Variants in PLEKHG6 observed in about 807,000 individuals in gnomAD.
PLEKHG6 encodes pleckstrin homology domain-containing family G member 6.
In PLEKHG6, 91 loss-of-function variants were observed where a neutral mutation model predicts 97.5. The observed-to-expected ratio is 0.93, with a 90% CI of 0.79 to 1.11. PLEKHG6 has a LOEUF of 1.11. PLEKHG6 is among the 50% of genes most tolerant of loss of function. The pLI is 0.00. For synonymous variants in PLEKHG6, 466 were observed against 425.5 expected (o/e 1.10, Z -1.17); for missense variants, 1,044 against 1,031.0 (o/e 1.01, Z -0.17).
At position 6,318,613 on chromosome 12, in the gene PLEKHG6, CT is replaced by C. The variant is rs1211233765; in HGVS notation, c.1276-131del. On this transcript the variant is annotated intron_variant, in intron 11 of 15. Transcript: ENST00000684764. ...GAGAGATGTGACCAAAGCGACGCCC[CT>C]GGCCACTCCCGCATTTGGGCTCTGC... 12 of 1,195,758 alleles carry C rather than the reference CT, an allele frequency of 1.0e-5. No homozygotes were observed. In the Admixed American group the frequency reaches 2.4e-4, roughly 24 times the overall value. 74.1% of individuals were successfully genotyped at this position (1,195,758 alleles called of 1,614,324 possible).
rs943550416 is a variant in PLEKHG6, at chr12:6,310,738, G to A, written c.-179G>A. The A allele has an allele frequency of 2.6e-5, 4 of 152,164 alleles. No individual in the cohort carries two copies. Among genetic ancestry groups the A allele is most frequent in the Admixed American group, 2.6e-4 (4 of 15,272 alleles). 9.4% of individuals were successfully genotyped at this position (152,164 alleles called of 1,614,324 possible). ...CGCGGGCCGCTCGATCCCAGTCCCA[G>A]GCTGGGCATCGGGGCTGGCTGGCAT... On this transcript the variant is annotated 5_prime_UTR_variant, in exon 1 of 16. Transcript: ENST00000684764.
Position 6,312,051 on chromosome 12 carries a change from C to T in PLEKHG6, c.-68-108C>T. The stretch of plus-strand genomic sequence containing the variant: ...AAGTGACCAAGCCCTTGGCCCTCTC[C>T]TCCCCCACTATACCCTCCCTCCCAG... On this transcript the variant is annotated intron_variant, in intron 1 of 15. Coordinates refer to ENST00000684764, the MANE Select transcript of PLEKHG6 (RefSeq NM_001384598.1). The T allele has an allele frequency of 6.0e-6, 3 of 502,592 alleles. No homozygotes were observed. The East Asian group carries it at 1.0e-4, about 18-fold the overall frequency. 31.1% of individuals were successfully genotyped at this position (502,592 alleles called of 1,614,324 possible).
intron 13 of PLEKHG6, chr12:6,319,647 G>A (rs951676751): frequency 1.1e-5 from 17 of 1,535,960 alleles, no homozygotes; most frequent in Admixed American, 5.9e-5. Context: ...GCCACTGGGA[G>A]AGCCCAAGAT....
chr12:6,319,861 A>T (rs1289175000), intron 13 of PLEKHG6: 2 of 163,718 alleles, frequency 1.2e-5, no homozygotes, highest in Non-Finnish European at 2.5e-5. Context: ...CAAACAATAG[A>T]GAGAAGTTAT....
intron 11 of PLEKHG6, 115 bp downstream of exon 11, chr12:6,318,535 A>G: frequency 7.4e-7 from 1 of 1,351,198 alleles, no homozygotes; most frequent in Non-Finnish European, 1.0e-6. Flanking sequence ...GTTCTGGCTA[A>G]GCCCCAGTCA....
intron 2 of PLEKHG6, 97 bp from the exon 3 acceptor site, chr12:6,313,532 G>A (rs1205805098): frequency 1.4e-6 from 2 of 1,422,966 alleles, no homozygotes; most frequent in Admixed American, 1.9e-5. Context: ...CCAGGGTGGG[G>A]GAACAACATC....
In PLEKHG6 at chr12:6,316,708, A is replaced by G. The variant is rs1947473158; in HGVS notation, c.756+304A>G. Among the ~76,000 whole-genome samples the G allele has an allele frequency of 8.5e-6, 1 of 118,228 alleles. No individual in the cohort carries two copies. Among genetic ancestry groups the G allele is most frequent in the Non-Finnish European group, 1.9e-5 (1 of 51,418 alleles). 77.6% of individuals were successfully genotyped at this position (118,228 alleles called of 152,430 possible). A position where few individuals can be genotyped will look rare whatever the true frequency, so the allele number is the denominator to read the frequency against. On this transcript the variant is annotated intron_variant, in intron 7 of 15. Coordinates refer to ENST00000684764, the MANE Select transcript of PLEKHG6 (RefSeq NM_001384598.1). The surrounding 1 kb of genome is among the most constrained non-coding windows in gnomAD (Gnocchi z 4.1). ...CAGCAAATGAGGCCTAAGTGAGGGG[A>G]CCCTTAGGAGGACCTGGGTGGGTGT...
In PLEKHG6 at chr12:6,326,573, G is replaced by C. The variant is rs1224418709; in HGVS notation, c.1670G>C (p.Arg557Thr). Residue 557 changes from arginine to threonine, a missense_variant and splice_region_variant, in exon 14 of 16, where the codon AGG becomes ACG. By Grantham distance (71) the Arg-to-Thr change is moderately conservative. Coordinates refer to ENST00000684764, the MANE Select transcript of PLEKHG6 (RefSeq NM_001384598.1). ...LEGSQSSAEG[R>T]TPEFSTIIPH... ...GGCTCTCAGAGCAGCGCAGAGGGGAGGTAAGGCTCACACGGACTACAAGGT... is the reference window on the plus strand; with the variant it reads ...GGCTCTCAGAGCAGCGCAGAGGGGACGTAAGGCTCACACGGACTACAAGGT... 6.6e-7 allele frequency: 1 copy of C among 1,508,122 alleles called. No homozygotes were observed. The highest frequency in any genetic ancestry group is 8.8e-7 in the Non-Finnish European group (1 of 1,132,990). 93.4% of individuals were successfully genotyped at this position (1,508,122 alleles called of 1,614,324 possible).
rs1415565726 is a variant in PLEKHG6, at chr12:6,315,819, A to T, written c.556-50A>T. 2.0e-6 allele frequency: 3 copies of T among 1,503,612 alleles called. No individual in the cohort carries two copies. The highest frequency in any genetic ancestry group is 4.0e-5 in the Admixed American group (2 of 49,670). The allele number at this position is 1,503,612 out of a possible 1,614,324, so 93.1% of individuals were successfully genotyped here. A position where few individuals can be genotyped will look rare whatever the true frequency, so the allele number is the denominator to read the frequency against. On this transcript the variant is annotated intron_variant, in intron 5 of 15. Coordinates refer to ENST00000684764, the MANE Select transcript of PLEKHG6 (RefSeq NM_001384598.1). This position sits in a 1 kb window ranked among gnomAD's most constrained non-coding sequence, Gnocchi z 4.5. ...AGTTGGTGGGGGGTGGGAGGTGACG[A>T]CACTGAAGGGCTGCGCTGGGTCCTG...
Position 6,312,115 on chromosome 12 carries a change from A to G in PLEKHG6, c.-68-44A>G, listed in dbSNP as rs1349353246. ...CTTGGTCTCCCGCCTGGTGCCATTC[A>G]CTGATTGGGGATGGCCCTTCCATTC... On this transcript the variant is annotated intron_variant, in intron 1 of 15. Transcript: ENST00000684764. 6 of 930,612 alleles carry G rather than the reference A, an allele frequency of 6.4e-6. 1 individual carries two copies. The highest frequency in any genetic ancestry group is 3.2e-5 in the Admixed American group (1 of 31,394). 57.6% of individuals were successfully genotyped at this position (930,612 alleles called of 1,614,324 possible).
intron 11 of PLEKHG6, 135 bp from the exon 12 acceptor site, chr12:6,318,610 C>G: frequency 1.7e-6 from 2 of 1,174,648 alleles, no homozygotes; most frequent in Non-Finnish European, 2.4e-6. Flanking sequence ...CAAAGCGACG[C>G]CCCTGGCCAC....
rs1186359363 is a variant in PLEKHG6 at position 6,316,750 on chromosome 12, C to T, written c.756+346C>T. On this transcript the variant is annotated intron_variant, in intron 7 of 15. Coordinates refer to ENST00000684764, the MANE Select transcript of PLEKHG6 (RefSeq NM_001384598.1). The surrounding 1 kb of genome is among the most constrained non-coding windows in gnomAD (Gnocchi z 4.1). ...GGTGGGTGTAAAAGGCCACAGGAGG[C>T]ACCCGGGGCACGGAGAAGAGTGACA... Among the ~76,000 whole-genome samples, 2 of 152,128 alleles carry T rather than the reference C, an allele frequency of 1.3e-5. No homozygotes were observed. The highest frequency in any genetic ancestry group is 2.9e-5 in the Non-Finnish European group (2 of 68,030).
rs1947948618 is a variant in PLEKHG6, at chr12:6,328,343, C to G, written c.*198C>G. 1 of 551,130 alleles carries G rather than the reference C, an allele frequency of 1.8e-6. No homozygotes were observed. 34.1% of individuals were successfully genotyped at this position (551,130 alleles called of 1,614,324 possible). On this transcript the variant is annotated 3_prime_UTR_variant, in exon 16 of 16. Transcript: ENST00000684764. ...GTATCATAGGTGCACCTGAGCCCCA[C>G]AGAAAGTTGTGCATAAAAATGACTG...
Position 6,315,938 on chromosome 12 carries a change from G to A in PLEKHG6, c.606+19G>A, listed in dbSNP as rs781327494. The A allele has an allele frequency of 2.3e-5, 36 of 1,570,252 alleles. No homozygotes were observed. In the South Asian group the frequency reaches 3.6e-4, roughly 16 times the overall value. On this transcript the variant is annotated intron_variant, in intron 6 of 15. Coordinates refer to ENST00000684764, the MANE Select transcript of PLEKHG6 (RefSeq NM_001384598.1). The surrounding 1 kb of genome is among the most constrained non-coding windows in gnomAD (Gnocchi z 4.5). ...GATGGAAGTGAGTGGGTGCTCAGGA[G>A]GGGACCCTGGCACAGCCCGACCTCT...
chr12:6,328,017 T>C (rs897196649), intron 15 of PLEKHG6, 71 bp downstream of exon 15: 8 of 1,566,858 alleles, frequency 5.1e-6, no homozygotes, highest in Middle Eastern at 1.7e-4. Context: ...GGGTGTAGTA[T>C]AGAAAGAGGG....
chr12:6,312,256 C>T lies in PLEKHG6; in HGVS notation c.30C>T (p.Gly10=), dbSNP rs144200422. 2.8e-5 allele frequency: 43 copies of T among 1,536,880 alleles called. No homozygotes were observed. The highest frequency in any genetic ancestry group is 3.4e-5 in the Non-Finnish European group (39 of 1,148,870). ...AGGCCTTTGGTCCTCCACATGAGGG[C>T]CCCCTCCAAGGACTCGTGGCCTCCC... MKAFGPPHE[G]PLQGLVASRI... Residue 10 remains glycine (G), a synonymous_variant, in exon 2 of 16, where the codon GGC becomes GGT. Coordinates refer to ENST00000684764, the MANE Select transcript of PLEKHG6 (RefSeq NM_001384598.1).
chr12:6,317,749 G>A (rs1268275346), intron 9 of PLEKHG6, 53 bp downstream of exon 9: 1 of 1,599,148 alleles, frequency 6.3e-7, no homozygotes, highest in Non-Finnish European at 8.5e-7. Context: ...TGGGAGGGGG[G>A]TCTCTTTCTT....
chr12:6,323,363 A>C (rs1947760208), intron 13 of PLEKHG6, among the ~76,000 whole-genome samples: 1 of 152,226 alleles, frequency 6.6e-6, no homozygotes, highest in Non-Finnish European at 1.5e-5. Context: ...TAGAGCCATC[A>C]GTCTTTATAC....
In PLEKHG6 at chr12:6,327,766, C is replaced by T. The variant is rs1450558552; in HGVS notation, c.2183C>T (p.Thr728Ile). Residue 728 changes from threonine (T) to isoleucine (I), a missense_variant, in exon 15 of 16, where the codon ACA (threonine) becomes ATA (isoleucine). Thr to Ile is a moderately conservative substitution (Grantham distance 89, BLOSUM62 -1). Coordinates refer to ENST00000684764, the MANE Select transcript of PLEKHG6 (RefSeq NM_001384598.1). The part of the protein sequence containing the change: ...EGPLFLKAGH[T>I]SLRPMRAEDM... ...CCTCTGTTCCTGAAAGCTGGCCACA[C>T]ATCCCTGCGCCCAATGCGGGCTGAG... 17 of 1,537,544 alleles carry T rather than the reference C, an allele frequency of 1.1e-5. No homozygotes were observed. The highest frequency in any genetic ancestry group is 2.1e-5 in the Admixed American group (1 of 46,994).
Sources: gnomAD v4.1 joint callset for allele counts (sites outside exome capture counted in the v4.1 genomes callset) on GRCh38, gnomAD v4.1.1 for gene constraint, Gnocchi (gnomAD v3.1) non-coding constraint, MANE v1.5 for transcripts, NCBI Gene and HGNC (gene_info 2026-07-23, HGNC 2026-07-21) for gene names.